MECOM: variants seen among roughly 807,000 people sequenced by gnomAD.
The protein encoded by MECOM is histone-lysine N-methyltransferase MECOM.
A neutral mutation model predicts 116.3 loss-of-function variants in MECOM; 13 were observed. The observed-to-expected ratio is 0.11, with a 90% CI of 0.07 to 0.18. MECOM has a LOEUF of 0.18. MECOM is among the 10% of genes least tolerant of loss of function. The probability of loss-of-function intolerance (pLI) is 1.00; values close to 1 mark genes in which losing one functional copy is unlikely to be tolerated. For missense variants in MECOM, 1,299 were observed against 1,509.0 expected (o/e 0.86, Z 2.31); for synonymous variants, 528 against 535.2 (o/e 0.99, Z 0.19).
chr3:169,182,169 G>T (rs949253504), intron 2 of MECOM, among the ~76,000 whole-genome samples: 7 of 152,148 alleles, frequency 4.6e-5, no homozygotes, highest in South Asian at 4.1e-4. Flanking sequence ...AAGGCGTTTG[G>T]CAGGGTGTAA....
intron 2 of MECOM, among the ~76,000 whole-genome samples, chr3:169,219,525 A>T (rs1432732388): frequency 6.6e-6 from 1 of 151,998 alleles, no homozygotes; most frequent in African/African-American, 2.4e-5. Flanking sequence ...AACAGAACAA[A>T]ACAAAAACTT....
chr3:169,409,403 G>A (rs750368507), intron 1 of MECOM, among the ~76,000 whole-genome samples: 5 of 152,102 alleles, frequency 3.3e-5, no homozygotes, highest in Non-Finnish European at 5.9e-5. Flanking sequence ...AGTGTTCTCT[G>A]CTTAAAATCA....
rs983966862 is a variant in MECOM, at chr3:169,083,997, C to T, written c.*912G>A. On this transcript the variant is annotated 3_prime_UTR_variant, in exon 17 of 17. Transcript: ENST00000651503. The stretch of plus-strand genomic sequence containing the variant: ...AAACACCATTTGGCACTCTCATACA[C>T]AGGTCGGGTCACCTTGGTCCTTGAA... 1 of 230,236 alleles carries T rather than the reference C, an allele frequency of 4.3e-6. No homozygotes were observed. Among genetic ancestry groups the T allele is most frequent in the African/African-American group, 2.2e-5 (1 of 45,210 alleles). 14.3% of individuals were successfully genotyped at this position (230,236 alleles called of 1,614,324 possible).
chr3:169,662,691 G>A (rs952244001), intron 1 of MECOM, among the ~76,000 whole-genome samples: 9 of 149,418 alleles, frequency 6.0e-5, no homozygotes, highest in Middle Eastern at 3.5e-3. Flanking sequence ...GCCCACTACC[G>A]CAGCCGCGGC....
chr3:169,196,950 G>A (rs1349964209), intron 2 of MECOM, among the ~76,000 whole-genome samples: 1 of 151,984 alleles, frequency 6.6e-6, no homozygotes, highest in Non-Finnish European at 1.5e-5. Flanking sequence ...AAGAAATTGT[G>A]GTATAGATAC....
At chr3:169,297,046 A>C (rs111563698) in intron 2 of MECOM, among the ~76,000 whole-genome samples, 25 of 152,352 alleles carry the variant, frequency 1.6e-4, no homozygotes, top group African/African-American at 5.8e-4. Flanking sequence ...AACAATTTGG[A>C]GCAATAATTA....
chr3:169,560,844 ATAG>A (rs1560433550), intron 1 of MECOM, among the ~76,000 whole-genome samples: 1 of 151,884 alleles, frequency 6.6e-6, no homozygotes, highest in African/African-American at 2.4e-5. Context: ...TTGGTTAAAG[ATAG>A]TAGAATTTTG....
At chr3:169,485,923 A>AGTATATAT (rs1560340154) in intron 1 of MECOM, among the ~76,000 whole-genome samples, 1 of 83,762 alleles carries the variant, frequency 1.2e-5, no homozygotes, top group Non-Finnish European at 2.2e-5. Context: ...ATGTATATAT[A>AGTATATAT]GTATATATAG....
chr3:169,175,213 T>G (rs547752352), intron 2 of MECOM, among the ~76,000 whole-genome samples: 20 of 152,272 alleles, frequency 1.3e-4, no homozygotes, highest in African/African-American at 4.6e-4. Flanking sequence ...TTATTGCATT[T>G]AAGTCACCCA....
At chr3:169,542,769 A>G (rs1760247493) in intron 1 of MECOM, among the ~76,000 whole-genome samples, 1 of 152,230 alleles carries the variant, frequency 6.6e-6, no homozygotes, top group Non-Finnish European at 1.5e-5. Flanking sequence ...GGAAAAAAAA[A>G]TATCCTAACT....
At chr3:169,262,169 T>G (rs1262607367) in intron 2 of MECOM, among the ~76,000 whole-genome samples, 6 of 152,214 alleles carry the variant, frequency 3.9e-5, no homozygotes, top group Admixed American at 3.9e-4. Context: ...AAAATAAAGC[T>G]TTGCCACTTT....
intron 2 of MECOM, among the ~76,000 whole-genome samples, chr3:169,196,852 C>T (rs1272980650): frequency 6.6e-6 from 1 of 151,988 alleles, no homozygotes; most frequent in Admixed American, 6.6e-5. Context: ...ACCATAAAGA[C>T]CCATGCACTT....
intron 1 of MECOM, among the ~76,000 whole-genome samples, chr3:169,661,139 A>C (rs539611561): frequency 6.6e-6 from 1 of 152,336 alleles, no homozygotes; most frequent in African/African-American, 2.4e-5. Flanking sequence ...CAATTAAAAT[A>C]GTTGAAAAAG....
intron 2 of MECOM, among the ~76,000 whole-genome samples, chr3:169,194,725 T>A (rs1748186094): frequency 6.6e-6 from 1 of 152,086 alleles, no homozygotes; most frequent in South Asian, 2.1e-4. Context: ...AGTGCCAGGC[T>A]GTGCCAGAAT....
At chr3:169,633,393 A>G (rs1483490669) in intron 1 of MECOM, among the ~76,000 whole-genome samples, 1 of 152,302 alleles carries the variant, frequency 6.6e-6, no homozygotes, top group Middle Eastern at 3.4e-3. Flanking sequence ...ATACTTACAC[A>G]TCTTAGCAGA....
chr3:169,174,950 G>C (rs182203955), intron 2 of MECOM, among the ~76,000 whole-genome samples: 4 of 152,022 alleles, frequency 2.6e-5, no homozygotes, highest in South Asian at 2.1e-4. Flanking sequence ...ATCAGACTCT[G>C]TCTCATCTGG....
intron 1 of MECOM, among the ~76,000 whole-genome samples, chr3:169,493,645 T>A (rs1040252197): frequency 3.9e-5 from 6 of 152,120 alleles, no homozygotes; most frequent in Non-Finnish European, 7.4e-5. Context: ...GTTCCTCAGA[T>A]GGGAAATGAT....
chr3:169,260,018 A>T (rs770938626), intron 2 of MECOM, among the ~76,000 whole-genome samples: 4 of 152,240 alleles, frequency 2.6e-5, no homozygotes, highest in Non-Finnish European at 4.4e-5. Context: ...TGCTTAGAGT[A>T]GTGACTGACA....
At chr3:169,406,704 G>A (rs1018813456) in intron 1 of MECOM, among the ~76,000 whole-genome samples, 1 of 152,044 alleles carries the variant, frequency 6.6e-6, no homozygotes, top group African/African-American at 2.4e-5. Flanking sequence ...ATAGGTAACA[G>A]TCCCATTTGA....
Sources: allele counts gnomAD v4.1 joint callset (sites outside exome capture counted in the v4.1 genomes callset), GRCh38; gene constraint gnomAD v4.1.1; transcripts MANE v1.5; gene names NCBI Gene and HGNC (gene_info 2026-07-23, HGNC 2026-07-21).